The following ADGRL3 variants were observed in gnomAD, a reference collection of about 807,000 sequenced individuals.
ADGRL3 encodes the protein adhesion G protein-coupled receptor L3.
ADGRL3 carries 62 observed loss-of-function variants against 153.5 expected under a neutral mutation model. The observed-to-expected ratio is 0.40, with a 90% CI of 0.33 to 0.50. The LOEUF is 0.50. ADGRL3 is among the 20% of genes least tolerant of loss of function. The probability of loss-of-function intolerance (pLI) is 0.47; values close to 1 mark genes in which losing one functional copy is unlikely to be tolerated. For missense variants in ADGRL3, 1,641 were observed against 1,859.4 expected (o/e 0.88, Z 2.16); for synonymous variants, 710 against 672.5 (o/e 1.06, Z -0.86).
intron 2 of ADGRL3, among the ~76,000 whole-genome samples, chr4:61,403,457 G>T (rs1254539974): frequency 6.6e-6 from 1 of 151,978 alleles, no homozygotes; most frequent in African/African-American, 2.4e-5. Flanking sequence ...GAGAGATTCT[G>T]GGTTGGTATG....
At chr4:61,278,931 A>G (rs904438014) in intron 1 of ADGRL3, among the ~76,000 whole-genome samples, 1 of 152,218 alleles carries the variant, frequency 6.6e-6, no homozygotes, top group Admixed American at 6.5e-5. Context: ...TAGATTTTGT[A>G]TGTTTGCATG....
intron 1 of ADGRL3, among the ~76,000 whole-genome samples, chr4:61,283,276 T>C (rs1426518092): frequency 6.6e-6 from 1 of 152,060 alleles, no homozygotes; most frequent in African/African-American, 2.4e-5. Context: ...AATGTTTAAC[T>C]CAAACTTCTG....
At chr4:61,824,238 ATTTTTT>A in intron 9 of ADGRL3, among the ~76,000 whole-genome samples, 1 of 152,100 alleles carries the variant, frequency 6.6e-6, no homozygotes, top group Non-Finnish European at 1.5e-5. Context: ...GTGACAAATA[ATTTTTT>A]GTGTGCTTGT....
chr4:61,456,475 ATC>A (rs1168252279), intron 2 of ADGRL3, among the ~76,000 whole-genome samples: 3 of 129,012 alleles, frequency 2.3e-5, no homozygotes, highest in South Asian at 2.4e-4. Context: ...ATATATCTAT[ATC>A]TATATATATA....
chr4:62,031,718 A>G, intron 23 of ADGRL3, 108 bp downstream of exon 23: 1 of 729,904 alleles, frequency 1.4e-6, no homozygotes, highest in Non-Finnish European at 2.1e-6. Context: ...TCTACAAGAA[A>G]TAAAGATACT....
intron 8 of ADGRL3, among the ~76,000 whole-genome samples, chr4:61,810,616 A>C (rs2148576797): frequency 6.6e-6 from 1 of 152,272 alleles, no homozygotes; most frequent in East Asian, 1.9e-4. Context: ...GAAAGTTGGA[A>C]AAGAGATTGA....
intron 1 of ADGRL3, among the ~76,000 whole-genome samples, chr4:61,237,866 G>T (rs1231258421): frequency 1.3e-5 from 2 of 152,094 alleles, no homozygotes; most frequent in Non-Finnish European, 2.9e-5. Context: ...AAATGGTTAG[G>T]GTGAAATATT....
At chr4:62,004,859 G>A (rs1471601093) in intron 21 of ADGRL3, among the ~76,000 whole-genome samples, 1 of 152,002 alleles carries the variant, frequency 6.6e-6, no homozygotes. Context: ...AGAGAATTCT[G>A]AAAGTGAATT....
chr4:61,583,808 TCTTTGATATAA>T, intron 4 of ADGRL3: 1 of 508,458 alleles, frequency 2.0e-6, no homozygotes, highest in Admixed American at 2.0e-5. Context: ...GACACTGTGT[TCTTTGATATAA>T]CAGATTACCT....
chr4:61,930,217 T>C (rs2098812241), intron 13 of ADGRL3, among the ~76,000 whole-genome samples: 1 of 151,618 alleles, frequency 6.6e-6, no homozygotes. Context: ...AAGTTATACA[T>C]CTTTCCATAA....
intron 6 of ADGRL3, among the ~76,000 whole-genome samples, chr4:61,695,627 GC>G (rs1301965282): frequency 6.6e-6 from 1 of 152,034 alleles, no homozygotes; most frequent in Non-Finnish European, 1.5e-5. Flanking sequence ...AACTGTATTG[GC>G]CCCTAATAAG....
chr4:61,586,501 G>A (rs1054771477), intron 4 of ADGRL3, among the ~76,000 whole-genome samples: 1 of 151,984 alleles, frequency 6.6e-6, no homozygotes, highest in Non-Finnish European at 1.5e-5. Flanking sequence ...CAAACAATAT[G>A]TATAGTGTGA....
intron 3 of ADGRL3, among the ~76,000 whole-genome samples, chr4:61,507,990 G>A (rs1018816602): frequency 2.6e-5 from 4 of 151,980 alleles, no homozygotes; most frequent in Non-Finnish European, 5.9e-5. Flanking sequence ...AAGGTTTTTT[G>A]TTACCATGAA....
At chr4:61,472,451 A>C (rs1412658484) in intron 2 of ADGRL3, among the ~76,000 whole-genome samples, 1 of 152,106 alleles carries the variant, frequency 6.6e-6, no homozygotes, top group East Asian at 1.9e-4. Context: ...TTATTCATGC[A>C]GGCCTCTTTA....
chr4:61,554,046 A>G (rs928236285), intron 4 of ADGRL3, among the ~76,000 whole-genome samples: 7 of 152,050 alleles, frequency 4.6e-5, no homozygotes, highest in South Asian at 4.1e-4. Context: ...AAAAAAGGTA[A>G]TAAGAATCTC....
chr4:61,383,874 A>G (rs1016823919), intron 2 of ADGRL3, among the ~76,000 whole-genome samples: 4 of 151,814 alleles, frequency 2.6e-5, no homozygotes, highest in South Asian at 2.1e-4. Flanking sequence ...CAACAGTTCA[A>G]TGAGAATTTC....
intron 11 of ADGRL3, among the ~76,000 whole-genome samples, chr4:61,900,940 G>A (rs995074120): frequency 2.0e-5 from 3 of 152,126 alleles, no homozygotes; most frequent in African/African-American, 4.8e-5. Flanking sequence ...AATGACTGCT[G>A]TAAAATCATA....
intron 2 of ADGRL3, among the ~76,000 whole-genome samples, chr4:61,433,684 T>A (rs2097405036): frequency 6.6e-6 from 1 of 152,188 alleles, no homozygotes; most frequent in Non-Finnish European, 1.5e-5. Flanking sequence ...GTACTGAATC[T>A]GTGTCACTGA....
At chr4:61,372,415 A>T (rs1456168566) in intron 1 of ADGRL3, among the ~76,000 whole-genome samples, 4 of 151,730 alleles carry the variant, frequency 2.6e-5, no homozygotes, top group Non-Finnish European at 5.9e-5. Context: ...TTTGGTGTGG[A>T]TGTCCTTTCT....
Sources: allele counts gnomAD v4.1 joint callset (sites outside exome capture counted in the v4.1 genomes callset), GRCh38; gene constraint gnomAD v4.1.1; transcripts MANE v1.5; gene names NCBI Gene and HGNC (gene_info 2026-07-23, HGNC 2026-07-21).